ECD: variants seen among roughly 807,000 people sequenced by gnomAD.
The protein encoded by ECD is protein ecdysoneless homolog.
In ECD, 59 loss-of-function variants were observed where a neutral mutation model predicts 77.2. The ratio of observed to expected loss-of-function variants is 0.76; its 90% confidence interval spans 0.62 to 0.95. The LOEUF (loss-of-function observed/expected upper bound fraction) is 0.95, where lower values mean the gene tolerates loss of function less well. Ranked by LOEUF, ECD falls within the 40% of genes least tolerant of loss-of-function variation. ECD has a pLI of 0.00. For missense variants in ECD, 704 were observed against 763.4 expected, an observed-to-expected ratio of 0.92 and a Z score of 0.92; for synonymous variants, 233 against 267.4, an observed-to-expected ratio of 0.87 and a Z score of 1.26.
chr10:73,152,164 G>C, intron 7 of ECD, 129 bp downstream of exon 7: 1 of 1,157,388 alleles, frequency 8.6e-7, no homozygotes, highest in South Asian at 1.7e-5. Context: ...ATTCTAATTT[G>C]AAATGCCACA....
At chr10:73,139,854 T>TTG in intron 9 of ECD, 117 bp from the exon 10 acceptor site, 9 of 654,520 alleles carry the variant, frequency 1.4e-5, no homozygotes, top group African/African-American at 9.6e-5. Flanking sequence ...GGAGTGTTTT[T>TTG]TTTTTTTTTT....
At chr10:73,159,177 A>C (rs933041204) in intron 3 of ECD, among the ~76,000 whole-genome samples, 4 of 152,252 alleles carry the variant, frequency 2.6e-5, no homozygotes, top group African/African-American at 9.6e-5. Flanking sequence ...GGGTAAAAAA[A>C]GATCAGAATT....
chr10:73,168,084 C>G (rs1843523591), upstream of ECD: 2 of 526,684 alleles, frequency 3.8e-6, no homozygotes, highest in Non-Finnish European at 3.4e-6. Flanking sequence ...TGTGCGTCGG[C>G]GGGAGCATTT....
chr10:73,134,608 G>GCAAC lies in ECD; in HGVS notation c.1909_1910insGTTG (p.Pro637ArgfsTer5). 6.2e-7 allele frequency: 1 copy of GCAAC among 1,613,998 alleles called. No homozygotes were observed. Among genetic ancestry groups the GCAAC allele is most frequent in the Non-Finnish European group, 8.5e-7 (1 of 1,179,876 alleles). On this transcript the variant is annotated frameshift_variant, in exon 14 of 14. Transcript: ENST00000372979. LOFTEE classifies it high-confidence loss of function. The stretch of plus-strand genomic sequence containing the variant: ...TTAATTTTTTGTTGGCTTACTTGTT[G>GCAAC]GTCTGTGATCGGTGTTGTCAGGCAG...
rs183284052 is a variant in ECD, at chr10:73,152,794, C to A, written c.784-373G>T. 7.3e-3 allele frequency among the ~76,000 whole-genome samples: 1,103 copies of A among 152,046 alleles called. 20 individuals are homozygous for A. The highest frequency in any genetic ancestry group is 0.025 in the African/African-American group (1,024 of 41,480). ...AGGCATGGTGGCGCACGCCTCTAAT[C>A]CCAGCTACTCGGGAGGCTGAAGCAG... On this transcript the variant is annotated intron_variant, in intron 6 of 13. Transcript: ENST00000372979.
At chr10:73,136,117 G>A (rs1468910118) in intron 13 of ECD, among the ~76,000 whole-genome samples, 1 of 152,166 alleles carries the variant, frequency 6.6e-6, no homozygotes, top group Non-Finnish European at 1.5e-5. Context: ...AAGACTCCAG[G>A]GTTCTTGCTC....
intron 3 of ECD, among the ~76,000 whole-genome samples, chr10:73,159,161 T>C (rs1414609232): frequency 1.3e-5 from 2 of 152,250 alleles, no homozygotes; most frequent in Admixed American, 1.3e-4. Flanking sequence ...GGGAAAGAGG[T>C]TGAGTGGGTA....
rs938933167 is a variant in ECD at position 73,140,783 on chromosome 10, T to C, written c.1128-1046A>G. On this transcript the variant is annotated intron_variant, in intron 9 of 13. Transcript: ENST00000372979. ...AAGCAGGCTCCATGGAACATCATTA[T>C]GAAGCCACTGATCTCGTATAATTCT... Among the ~76,000 whole-genome samples the C allele has an allele frequency of 2.0e-5, 3 of 151,940 alleles. 1 individual carries two copies. Among genetic ancestry groups the C allele is most frequent in the African/African-American group, 7.2e-5 (3 of 41,428 alleles).
intron 1 of ECD, among the ~76,000 whole-genome samples, chr10:73,165,476 C>T (rs889169934): frequency 2.6e-5 from 4 of 151,904 alleles, no homozygotes; most frequent in East Asian, 1.9e-4. Context: ...CTCAGCCTCC[C>T]GAGTAGCTGG....
Position 73,156,355 on chromosome 10 carries a change from T to C in ECD, c.510A>G (p.Ala170=). 1.9e-6 allele frequency: 3 copies of C among 1,614,016 alleles called. No individual in the cohort carries two copies. Among genetic ancestry groups the C allele is most frequent in the Non-Finnish European group, 1.7e-6 (2 of 1,179,970 alleles). Residue 170 remains alanine (A), a synonymous_variant, in exon 5 of 14, where the codon GCA becomes GCG. Transcript: ENST00000372979. The part of the protein sequence containing the change: ...LPTTPPTIPQ[A]LNIITAHSEK... ...CTGAATGTGCTGTGATTATATTCAA[T>C]GCTTGTGGAATTGTTGGGGGTGTGG...
At chr10:73,141,589 CCTTCCATTAT>C (rs1362930311) in intron 9 of ECD, 1 of 152,270 alleles carries the variant, frequency 6.6e-6, no homozygotes, top group Non-Finnish European at 1.5e-5. Flanking sequence ...CTCCCTGAAG[CCTTCCATTAT>C]CTTTCTTTTT....
chr10:73,151,273 A>T (rs1444405573), intron 7 of ECD, among the ~76,000 whole-genome samples: 1 of 151,420 alleles, frequency 6.6e-6, no homozygotes, highest in African/African-American at 2.4e-5. Flanking sequence ...AACTATTGCA[A>T]GGACAAAAAA....
chr10:73,152,436 A>T lies in ECD; in HGVS notation c.784-15T>A. On this transcript the variant is annotated splice_polypyrimidine_tract_variant and intron_variant, in intron 6 of 13. Transcript: ENST00000372979. ...GTGAATGTGACCTGGGCATCAAGAC[A>T]CAAAATACATGAGTCTTTTCCTGAA... The T allele has an allele frequency of 6.2e-7, 1 of 1,608,608 alleles. No homozygotes were observed. Among genetic ancestry groups the T allele is most frequent in the Non-Finnish European group, 8.5e-7 (1 of 1,175,740 alleles).
At chr10:73,159,288 C>G (rs764278293) in intron 3 of ECD, among the ~76,000 whole-genome samples, 1 of 152,242 alleles carries the variant, frequency 6.6e-6, no homozygotes, top group Non-Finnish European at 1.5e-5. Context: ...CCATTTTTAA[C>G]GTAATGTTAC....
intron 9 of ECD, 91 bp downstream of exon 9, chr10:73,146,185 T>A: frequency 3.2e-6 from 2 of 627,384 alleles, no homozygotes; most frequent in South Asian, 4.9e-5. Context: ...CTCAAAAAAA[T>A]AAATAAATAA....
rs757869937 is a variant in ECD at position 73,163,873 on chromosome 10, G to T, written c.65C>A (p.Pro22Gln). Residue 22 changes from proline to glutamine, a missense_variant, in exon 2 of 14, where the codon CCA becomes CAA. By Grantham distance (76) the Pro-to-Gln change is moderately conservative. Transcript: ENST00000372979. ...TTTATCTGAGTCCCTTGACTCATCT[G>T]GTATCAGGAACAGGCAGTACTCCAC... ...DTVEYCLFLI[P>Q]DESRDSDKHK... 6.2e-7 allele frequency: 1 copy of T among 1,613,968 alleles called. No homozygotes were observed. Among genetic ancestry groups the T allele is most frequent in the Non-Finnish European group, 8.5e-7 (1 of 1,180,004 alleles).
intron 12 of ECD, 77 bp from the exon 13 acceptor site, chr10:73,136,995 T>C: frequency 1.4e-6 from 1 of 721,360 alleles, no homozygotes; most frequent in Non-Finnish European, 1.9e-6. Context: ...ATTTAGTTAC[T>C]ACACATCTCA....
In ECD at chr10:73,152,333, G is replaced by T; in HGVS notation, c.872C>A (p.Ser291Tyr). 6.2e-7 allele frequency: 1 copy of T among 1,613,962 alleles called. No individual in the cohort carries two copies. ...RRSGYRLPPPSDPQYRAHELG... is the reference protein window; with the variant it reads ...RRSGYRLPPPYDPQYRAHELG... ...TTCATGGGCTCGGTACTGGGGATCA[G>T]ATGGAGGAGGCAGCCTGTATCCACT... The change falls in exon 7 of 14, where the codon TCT becomes TAT. Residue 291 changes from serine (S) to tyrosine (Y), a missense_variant. Ser to Tyr is a moderately radical substitution (Grantham distance 144). Around this residue, in one of 3 missense-constraint regions of ECD, gnomAD observed 559 missense variants for 583.7 expected, o/e 0.96. Coordinates refer to ENST00000372979, the MANE Select transcript of ECD (RefSeq NM_007265.3).
At chr10:73,167,248 TTC>T (rs1210121703) in intron 1 of ECD, among the ~76,000 whole-genome samples, 1 of 152,182 alleles carries the variant, frequency 6.6e-6, no homozygotes, top group African/African-American at 2.4e-5. Context: ...TCCAGTTTTG[TTC>T]TTTTTGCTCA....
Sources: allele counts gnomAD v4.1 joint callset (sites outside exome capture counted in the v4.1 genomes callset), GRCh38; gene constraint gnomAD v4.1.1; regional missense constraint gnomAD v4.1.1; transcripts MANE v1.5; gene names NCBI Gene and HGNC (gene_info 2026-07-23, HGNC 2026-07-21).